PDXDC1: variants seen among roughly 807,000 people sequenced by gnomAD.
The protein encoded by PDXDC1 is pyridoxal-dependent decarboxylase domain-containing protein 1.
PDXDC1 carries 42 observed loss-of-function variants against 100.1 expected under a neutral mutation model. The observed-to-expected ratio is 0.42, with a 90% confidence interval of 0.33 to 0.54. The LOEUF is 0.54. PDXDC1 is among the 20% of genes least tolerant of loss of function. The probability of loss-of-function intolerance (pLI) is 0.10; values close to 1 mark genes in which losing one functional copy is unlikely to be tolerated. For synonymous variants in PDXDC1, 260 were observed against 371.7 expected (o/e 0.70, Z 3.46); for missense variants, 636 against 979.2 (o/e 0.65, Z 4.68).
chr16:15,069,447 C>T (rs1461087050), intron 16 of PDXDC1, among the ~76,000 whole-genome samples: 1 of 152,204 alleles, frequency 6.6e-6, no homozygotes, highest in Non-Finnish European at 1.5e-5. Flanking sequence ...CTTGGAGACT[C>T]TCTTCAACTA....
chr16:15,059,639 G>A (rs2044642430), intron 16 of PDXDC1, among the ~76,000 whole-genome samples: 1 of 152,098 alleles, frequency 6.6e-6, no homozygotes. Context: ...ACAGACAAAA[G>A]GACAGACCCT....
intron 16 of PDXDC1, among the ~76,000 whole-genome samples, chr16:15,088,311 A>G (rs1482301475): frequency 6.6e-6 from 1 of 152,114 alleles, no homozygotes; most frequent in East Asian, 1.9e-4. Flanking sequence ...CCTCATCTCC[A>G]GAAAAATTAG....
chr16:15,039,835 G>A, downstream of PDXDC1: 1 of 661,754 alleles, frequency 1.5e-6, no homozygotes. Flanking sequence ...GTATATGTAT[G>A]TGCTGGTCCC....
chr16:15,056,104 C>G (rs1157089377), intron 16 of PDXDC1: 1 of 224,844 alleles, frequency 4.4e-6, no homozygotes, highest in African/African-American at 2.3e-5. Context: ...CGGGCGCTGC[C>G]GGGAAGTGGA....
chr16:15,092,348 T>C (rs1479452126), intron 16 of PDXDC1, among the ~76,000 whole-genome samples: 1 of 152,182 alleles, frequency 6.6e-6, no homozygotes, highest in Non-Finnish European at 1.5e-5. Context: ...AAAAGGACAC[T>C]ATTACTCTAA....
intron 16 of PDXDC1, among the ~76,000 whole-genome samples, chr16:15,057,677 GT>G (rs1197427295): frequency 1.3e-5 from 2 of 152,200 alleles, no homozygotes; most frequent in Non-Finnish European, 2.9e-5. Context: ...CCCTGAACTG[GT>G]TTTGTAGAAT....
intron 1 of PDXDC1, chr16:14,976,960 C>T (rs1264999096): frequency 1.3e-5 from 2 of 152,278 alleles, no homozygotes; most frequent in East Asian, 1.9e-4. Flanking sequence ...GGTGATCTTT[C>T]CTCCAGGAAT....
At chr16:15,018,317 G>C (rs1259852562) in intron 11 of PDXDC1, among the ~76,000 whole-genome samples, 1 of 152,236 alleles carries the variant, frequency 6.6e-6, no homozygotes. Context: ...GCTAATGTGG[G>C]AGGGCTGATT....
intron 16 of PDXDC1, among the ~76,000 whole-genome samples, chr16:15,091,657 G>T (rs538503470): frequency 6.6e-6 from 1 of 151,926 alleles, no homozygotes; most frequent in Admixed American, 6.6e-5. Flanking sequence ...AAAGCATGAG[G>T]GAAAAAAACA....
chr16:15,131,063 G>T (rs755509571), intron 16 of PDXDC1: 6 of 1,595,786 alleles, frequency 3.8e-6, no homozygotes, highest in Non-Finnish European at 4.3e-6. Flanking sequence ...AGGGGGCCGC[G>T]TGTGCCTCAC....
chr16:15,126,172 T>A (rs1329466386), intron 16 of PDXDC1, among the ~76,000 whole-genome samples: 1 of 151,536 alleles, frequency 6.6e-6, no homozygotes, highest in Non-Finnish European at 1.5e-5. Context: ...GTAGCTGGGA[T>A]TACAGGTGCC....
In PDXDC1 at chr16:15,128,534, G is replaced by GCT; in HGVS notation, c.1400-10345_1400-10344insCT. 4.7e-6 allele frequency: 3 copies of GCT among 635,696 alleles called. 1 individual carries two copies. In the South Asian group the frequency reaches 5.5e-5, roughly 12 times the overall value. The allele number at this position is 635,696 out of a possible 1,614,324, so 39.4% of individuals were successfully genotyped here. A position where few individuals can be genotyped will look rare whatever the true frequency, so the allele number is the denominator to read the frequency against. ...CTTTGCACGGCTCTGCCATACACGA[G>GCT]GAGCTGAGGTTACTGCAATTTGTCC... On this transcript the variant is annotated intron_variant, in intron 16 of 16. Transcript: ENST00000535621.
At chr16:14,999,506 C>G (rs1464193844) in intron 3 of PDXDC1, among the ~76,000 whole-genome samples, 1 of 152,136 alleles carries the variant, frequency 6.6e-6, no homozygotes, top group African/African-American at 2.4e-5. Flanking sequence ...TCAAGGAGTT[C>G]GAGGCCACCC....
In PDXDC1 at chr16:15,080,087, C is replaced by T. The variant is rs774898397; in HGVS notation, c.1399+50031C>T. The T allele has an allele frequency of 5.6e-6, 9 of 1,595,872 alleles. No individual in the cohort carries two copies. The highest frequency in any genetic ancestry group is 1.7e-4 in the Middle Eastern group (1 of 5,960). On this transcript the variant is annotated intron_variant, in intron 16 of 16. Coordinates refer to the PDXDC1 transcript ENST00000535621. ...ACACTAATCCTTAGTAAGTTATGAA[C>T]GTAACATTCCTAAAGGAGAAAATGT...
chr16:15,080,040 A>C (rs2045633025), intron 16 of PDXDC1: 1 of 1,601,148 alleles, frequency 6.2e-7, no homozygotes, highest in African/African-American at 1.3e-5. Context: ...CCAGAATTTC[A>C]TGCCTCAAGG....
rs773954166 is a variant in PDXDC1 at position 15,127,858 on chromosome 16, G to C, written c.1400-11021G>C. ...GTCAAAGAAGCCGCACTGCAGCTCA[G>C]CCACCAGCAGGCGCCGGAAGCGCAA... On this transcript the variant is annotated intron_variant, in intron 16 of 16. Coordinates refer to the PDXDC1 transcript ENST00000535621. 1.1e-5 allele frequency: 17 copies of C among 1,565,502 alleles called. No individual in the cohort carries two copies. The East Asian group carries it at 3.1e-4, about 29-fold the overall frequency.
intron 16 of PDXDC1, chr16:15,104,285 C>G (rs1343223005): frequency 6.9e-7 from 1 of 1,440,632 alleles, no homozygotes; most frequent in Non-Finnish European, 9.2e-7. Context: ...GATATTGAAA[C>G]AAAGCAATAA....
chr16:15,092,623 C>G, intron 16 of PDXDC1: 3 of 1,490,516 alleles, frequency 2.0e-6, no homozygotes, highest in Non-Finnish European at 2.8e-6. Context: ...TCCTGTGGAA[C>G]CAAGATTAAC....
intron 16 of PDXDC1, chr16:15,135,610 G>T: frequency 8.6e-6 from 13 of 1,508,936 alleles, no homozygotes; most frequent in Non-Finnish European, 1.2e-5. Context: ...GGGTGTGGAC[G>T]GGTGAGGGGC....
Sources: allele counts gnomAD v4.1 joint callset (sites outside exome capture counted in the v4.1 genomes callset), GRCh38; gene constraint gnomAD v4.1.1; transcripts MANE v1.5; gene names NCBI Gene and HGNC (gene_info 2026-07-23, HGNC 2026-07-21).